Variants in ANKRD27 observed in about 807,000 individuals in gnomAD.
ANKRD27 encodes the protein ankyrin repeat domain-containing protein 27.
In ANKRD27, 112 loss-of-function variants were observed where a neutral mutation model predicts 129.7. The observed-to-expected ratio is 0.86, with a 90% CI of 0.74 to 1.01. The LOEUF is 1.01. Ranked by LOEUF, ANKRD27 falls within the 50% of genes least tolerant of loss-of-function variation. The probability of loss-of-function intolerance (pLI) is 0.00; values close to 1 mark genes in which losing one functional copy is unlikely to be tolerated. For missense variants in ANKRD27, 1,258 were observed against 1,300.5 expected (o/e 0.97, Z 0.50); for synonymous variants, 516 against 511.2 (o/e 1.01, Z -0.13).
chr19:32,603,160 T>C (rs1971677799), intron 25 of ANKRD27, among the ~76,000 whole-genome samples: 1 of 151,928 alleles, frequency 6.6e-6, no homozygotes, highest in African/African-American at 2.4e-5. Flanking sequence ...TAGCCAGGTG[T>C]GGTGCCACGT....
intron 5 of ANKRD27, 157 bp from the exon 6 acceptor site, chr19:32,643,788 A>G: frequency 1.4e-6 from 1 of 690,172 alleles, no homozygotes; most frequent in Non-Finnish European, 2.5e-6. Context: ...GTGTATATGC[A>G]TTAAAAGCAG....
intron 18 of ANKRD27, 131 bp downstream of exon 18, chr19:32,622,291 G>A (rs972356147): frequency 1.8e-5 from 17 of 930,546 alleles, no homozygotes; most frequent in African/African-American, 8.2e-5. Flanking sequence ...TCCCACATGC[G>A]GCAGAAAGGG....
At chr19:32,600,075 A>G (rs1971629210) in intron 26 of ANKRD27, 25 bp from the exon 27 acceptor site, 1 of 1,450,352 alleles carries the variant, frequency 6.9e-7, no homozygotes, top group East Asian at 2.3e-5. Context: ...ATAAACATCT[A>G]AAAACTTCAA....
chr19:32,648,861 T>C (rs993513189), intron 3 of ANKRD27, among the ~76,000 whole-genome samples: 6 of 151,288 alleles, frequency 4.0e-5, no homozygotes, highest in Admixed American at 1.3e-4. Context: ...ATAAAACCAA[T>C]GTGGCAAGAA....
At position 32,605,887 on chromosome 19, in the gene ANKRD27, AG is replaced by A; in HGVS notation, c.2440del (p.Leu814SerfsTer38). On this transcript the variant is annotated frameshift_variant, in exon 24 of 29. Coordinates refer to ENST00000306065, the MANE Select transcript of ANKRD27 (RefSeq NM_032139.3). LOFTEE classifies it high-confidence loss of function. ...NKKDLSGNTP[L>X]IYACSGGHHE... Reference sequence around the variant, plus strand: ...ATGGCCACCGGAGCAGGCGTAAATGAGGGGCGTGTTTCCACTGAGGTCCTTC... The same window carrying A: ...ATGGCCACCGGAGCAGGCGTAAATGAGGGCGTGTTTCCACTGAGGTCCTTC... The A allele has an allele frequency of 1.9e-6, 3 of 1,614,088 alleles. No individual in the cohort carries two copies. The highest frequency in any genetic ancestry group is 2.5e-6 in the Non-Finnish European group (3 of 1,180,008).
chr19:32,633,334 T>G (rs1007951733), intron 12 of ANKRD27, among the ~76,000 whole-genome samples: 4,027 of 37,410 alleles, frequency 0.11, 157 homozygotes, highest in East Asian at 0.39. Context: ...TTTATCTGTT[T>G]TTTTTTTTTT....
At position 32,619,627 on chromosome 19, in the gene ANKRD27, C is replaced by T. The variant is rs1024277073; in HGVS notation, c.1828-74G>A. 4.0e-5 allele frequency: 62 copies of T among 1,552,660 alleles called. No homozygotes were observed. The Middle Eastern group carries it at 1.0e-3, about 25-fold the overall frequency. Reference sequence around the variant, plus strand: ...TCTCAGCACAGTGCCATCACCCACACGCCCCACTGCCGGCCTAGCTCCTCG... The same window carrying T: ...TCTCAGCACAGTGCCATCACCCACATGCCCCACTGCCGGCCTAGCTCCTCG... On this transcript the variant is annotated intron_variant, in intron 18 of 28. Transcript: ENST00000306065.
intron 16 of ANKRD27, 146 bp from the exon 17 acceptor site, chr19:32,626,112 T>C: frequency 1.8e-6 from 1 of 569,462 alleles, no homozygotes; most frequent in Non-Finnish European, 2.9e-6. Context: ...CCATCATTCC[T>C]GACACTTGAG....
rs561541009 is a variant in ANKRD27, at chr19:32,654,121, C to T, written c.103-4329G>A. 1.4e-4 allele frequency among the ~76,000 whole-genome samples: 21 copies of T among 152,248 alleles called. No individual in the cohort carries two copies. In the East Asian group the frequency reaches 3.7e-3, roughly 27 times the overall value. ...TTCACTATGTTGGCCAGACTGGTCT[C>T]AAACTCCTGACCTAGTGATCCGCCT... On this transcript the variant is annotated intron_variant, in intron 2 of 28. Coordinates refer to ENST00000306065, the MANE Select transcript of ANKRD27 (RefSeq NM_032139.3).
intron 13 of ANKRD27, among the ~76,000 whole-genome samples, chr19:32,629,972 A>G (rs988676375): frequency 6.6e-6 from 1 of 151,580 alleles, no homozygotes; most frequent in Non-Finnish European, 1.5e-5. Flanking sequence ...GCACAATCAG[A>G]GCTCACTGCA....
intron 1 of ANKRD27, among the ~76,000 whole-genome samples, chr19:32,668,783 C>T (rs1967810046): frequency 6.6e-6 from 1 of 151,948 alleles, no homozygotes; most frequent in South Asian, 2.1e-4. Flanking sequence ...TGGGGTCTCG[C>T]TACATTGCCC....
chr19:32,628,641 C>A, intron 14 of ANKRD27, 81 bp downstream of exon 14: 1 of 1,567,188 alleles, frequency 6.4e-7, no homozygotes, highest in South Asian at 1.2e-5. Flanking sequence ...TATCTGCAGT[C>A]ACACAGCGCA....
intron 22 of ANKRD27, among the ~76,000 whole-genome samples, chr19:32,611,811 C>T (rs1971839619): frequency 6.6e-6 from 1 of 152,188 alleles, no homozygotes; most frequent in Non-Finnish European, 1.5e-5. Flanking sequence ...GAATTCCTGA[C>T]CTCAGGTGAT....
At chr19:32,652,057 G>T (rs1967427543) in intron 2 of ANKRD27, among the ~76,000 whole-genome samples, 1 of 152,238 alleles carries the variant, frequency 6.6e-6, no homozygotes, top group Non-Finnish European at 1.5e-5. Context: ...GGGAGGAGTT[G>T]CCTGGGATAG....
chr19:32,649,392 A>G (rs146421496), intron 3 of ANKRD27, among the ~76,000 whole-genome samples: 30 of 152,232 alleles, frequency 2.0e-4, no homozygotes, highest in Non-Finnish European at 4.0e-4. Context: ...GGACATCAGC[A>G]AGGAGGAGGT....
chr19:32,630,316 C>G (rs1225968029), intron 13 of ANKRD27, among the ~76,000 whole-genome samples: 1 of 152,212 alleles, frequency 6.6e-6, no homozygotes, highest in African/African-American at 2.4e-5. Context: ...TGCCCTCGCC[C>G]AGCACTCACG....
At chr19:32,613,066 T>TAAAGAACCCTCA (rs71301615) in intron 22 of ANKRD27, among the ~76,000 whole-genome samples, 87,884 of 151,024 alleles carry the variant, frequency 0.58, 26,620 homozygotes, top group Non-Finnish European at 0.69. Context: ...CTAGAATATA[T>TAAAGAACCCTCA]AAATTCAACG....
At chr19:32,673,607 C>T (rs1967914759) in intron 1 of ANKRD27, 1 of 306,388 alleles carries the variant, frequency 3.3e-6, no homozygotes, top group African/African-American at 2.3e-5. Context: ...TCTTTCCACC[C>T]ATTTTGTCCT....
intron 1 of ANKRD27, among the ~76,000 whole-genome samples, chr19:32,664,423 G>GAA (rs1967707062): frequency 1.3e-5 from 2 of 151,794 alleles, no homozygotes; most frequent in Admixed American, 1.3e-4. Context: ...AGGAGTTCAA[G>GAA]ACCCTGGCCA....
Sources: gnomAD v4.1 joint callset for allele counts (sites outside exome capture counted in the v4.1 genomes callset) on GRCh38, gnomAD v4.1.1 for gene constraint, MANE v1.5 for transcripts, NCBI Gene and HGNC (gene_info 2026-07-23, HGNC 2026-07-21) for gene names.